Variants in ACOXL observed in about 807,000 individuals in gnomAD.
ACOXL encodes the protein acyl-coenzyme A oxidase-like protein.
ACOXL carries 70 observed loss-of-function variants against 71.9 expected under a neutral mutation model. The observed-to-expected ratio is 0.97, with a 90% confidence interval of 0.80 to 1.19. The LOEUF is 1.19. Ranked by LOEUF, ACOXL falls within the 50% of genes most tolerant of loss-of-function variation. The probability of loss-of-function intolerance (pLI) is 0.00; values close to 1 mark genes in which losing one functional copy is unlikely to be tolerated. For missense variants in ACOXL, 703 were observed against 736.3 expected, an observed-to-expected ratio of 0.95 and a Z score of 0.52; for synonymous variants, 253 against 281.6, an observed-to-expected ratio of 0.90 and a Z score of 1.02.
chr2:111,093,553 A>G, intron 17 of ACOXL: 2 of 1,612,904 alleles, frequency 1.2e-6, no homozygotes, highest in Non-Finnish European at 1.7e-6. Context: ...ATATCCAAGG[A>G]CACAAAACCA....
chr2:110,997,995 G>A (rs1218761475), intron 14 of ACOXL, among the ~76,000 whole-genome samples: 1 of 152,106 alleles, frequency 6.6e-6, no homozygotes, highest in African/African-American at 2.4e-5. Context: ...TGGTTGCAGT[G>A]AGCCAAGATC....
chr2:111,039,877 C>G (rs1200403717), intron 15 of ACOXL, among the ~76,000 whole-genome samples: 1 of 152,156 alleles, frequency 6.6e-6, no homozygotes, highest in Admixed American at 6.5e-5. Flanking sequence ...GTAGGTTAGT[C>G]TGGAAAACAT....
At chr2:110,812,763 T>C (rs920776100) in intron 9 of ACOXL, among the ~76,000 whole-genome samples, 1 of 152,380 alleles carries the variant, frequency 6.6e-6, no homozygotes, top group African/African-American at 2.4e-5. Context: ...ATTTTGAATT[T>C]GCTTCGATTC....
chr2:110,868,256 A>G (rs1694855770), intron 10 of ACOXL, among the ~76,000 whole-genome samples: 1 of 152,204 alleles, frequency 6.6e-6, no homozygotes, highest in South Asian at 2.1e-4. Flanking sequence ...CTTACTTTAC[A>G]AGTTTGATTT....
chr2:110,816,691 G>A (rs1323694150), intron 9 of ACOXL, among the ~76,000 whole-genome samples: 1 of 152,216 alleles, frequency 6.6e-6, no homozygotes, highest in African/African-American at 2.4e-5. Flanking sequence ...ATGGTCTCCT[G>A]TTCTCTAAAG....
chr2:110,940,026 GAAGT>G (rs2149363908), intron 12 of ACOXL, among the ~76,000 whole-genome samples: 1 of 152,308 alleles, frequency 6.6e-6, no homozygotes, highest in South Asian at 2.1e-4. Flanking sequence ...ACCTTAACCT[GAAGT>G]AAAAGGTATG....
intron 11 of ACOXL, 90 bp downstream of exon 11, chr2:110,908,995 T>C (rs1574079310): frequency 2.1e-6 from 2 of 958,364 alleles, no homozygotes; most frequent in East Asian, 2.6e-5. Flanking sequence ...AGGATGTCAT[T>C]TTCTAACTGT....
chr2:110,933,440 T>C, intron 11 of ACOXL, 49 bp from the exon 12 acceptor site: 2 of 1,588,476 alleles, frequency 1.3e-6, no homozygotes, highest in Non-Finnish European at 8.6e-7. Context: ...TTCACACATG[T>C]GCTGACTGCA....
chr2:111,003,548 C>A (rs1574454211), intron 14 of ACOXL, among the ~76,000 whole-genome samples: 1 of 4,940 alleles, frequency 2.0e-4, no homozygotes, highest in Non-Finnish European at 5.7e-4. Flanking sequence ...GAGACTCTGT[C>A]TCAAAAAAAA....
At chr2:111,091,198 G>C (rs1263155558) in intron 16 of ACOXL, among the ~76,000 whole-genome samples, 1 of 152,156 alleles carries the variant, frequency 6.6e-6, no homozygotes, top group Non-Finnish European at 1.5e-5. Context: ...TCTAAGCCTA[G>C]AAGGTGGTAA....
intron 17 of ACOXL, among the ~76,000 whole-genome samples, chr2:111,103,722 TAA>T (rs1011335875): frequency 6.6e-6 from 1 of 152,146 alleles, no homozygotes. Context: ...GGTGCTTATA[TAA>T]AACATTTTTG....
intron 10 of ACOXL, among the ~76,000 whole-genome samples, chr2:110,862,921 CA>C (rs1315247167): frequency 6.6e-6 from 1 of 152,240 alleles, no homozygotes; most frequent in Non-Finnish European, 1.5e-5. Context: ...TAGGGCCCCG[CA>C]GCAGCTACCA....
intron 10 of ACOXL, among the ~76,000 whole-genome samples, chr2:110,883,170 C>T (rs1306854473): frequency 7.3e-6 from 1 of 136,946 alleles, no homozygotes; most frequent in Non-Finnish European, 1.5e-5. Context: ...AGTACAGTGA[C>T]ACCATCTCGG....
At chr2:111,080,745 T>C (rs1354050195) in intron 16 of ACOXL, among the ~76,000 whole-genome samples, 1 of 152,202 alleles carries the variant, frequency 6.6e-6, no homozygotes, top group East Asian at 1.9e-4. Context: ...CCAATATCCC[T>C]GATGAACAAT....
intron 9 of ACOXL, among the ~76,000 whole-genome samples, chr2:110,811,028 T>C (rs1687254953): frequency 6.6e-6 from 1 of 152,214 alleles, no homozygotes; most frequent in Non-Finnish European, 1.5e-5. Flanking sequence ...TGGGGGAAAC[T>C]GCTCCAGTGA....
At chr2:110,886,689 C>T in intron 10 of ACOXL, 1 of 1,503,100 alleles carries the variant, frequency 6.7e-7, no homozygotes, top group South Asian at 1.2e-5. Flanking sequence ...CTCCCCTATC[C>T]TTCTGAATGC....
At position 110,967,735 on chromosome 2, in the gene ACOXL, A is replaced by G. The variant is rs547901984; in HGVS notation, c.1060-19373A>G. 7 of 512,102 alleles carry G rather than the reference A, an allele frequency of 1.4e-5. No individual in the cohort carries two copies. In the Admixed American group the frequency reaches 2.3e-4, roughly 17 times the overall value. 31.7% of individuals were successfully genotyped at this position (512,102 alleles called of 1,614,324 possible). ...TATTTCAATGGTTAACACAACTACTAGACAGCAAATCAGAAAGGATATGAA... is the reference window on the plus strand; with the variant it reads ...TATTTCAATGGTTAACACAACTACTGGACAGCAAATCAGAAAGGATATGAA... On this transcript the variant is annotated intron_variant, in intron 12 of 17. Coordinates refer to ENST00000439055, the MANE Select transcript of ACOXL (RefSeq NM_001142807.4).
rs71383893 is a variant in ACOXL, at chr2:110,955,429, C to CCTCT, written c.1059+21810_1059+21813dup. 4.0e-3 allele frequency among the ~76,000 whole-genome samples: 559 copies of CCTCT among 141,022 alleles called. 3 individuals carry two copies. The highest frequency in any genetic ancestry group is 0.016 in the East Asian group (74 of 4,718). The allele number at this position is 141,022 out of a possible 152,430, so 92.5% of individuals were successfully genotyped here. A position where few individuals can be genotyped will look rare whatever the true frequency, so the allele number is the denominator to read the frequency against. ...CCCCCACCCCCAGCTAGTCCACCTC[C>CCTCT]CTCTCTCTCTCTCTCTCTCTCTCTC... On this transcript the variant is annotated intron_variant, in intron 12 of 17. Coordinates refer to ENST00000439055, the MANE Select transcript of ACOXL (RefSeq NM_001142807.4).
At chr2:110,880,710 G>A (rs1441616275) in intron 10 of ACOXL, among the ~76,000 whole-genome samples, 1 of 152,216 alleles carries the variant, frequency 6.6e-6, no homozygotes, top group Non-Finnish European at 1.5e-5. Flanking sequence ...CACTTTGGGA[G>A]GCTGAGGTGA....
Sources: gnomAD v4.1 joint callset for allele counts (sites outside exome capture counted in the v4.1 genomes callset) on GRCh38, gnomAD v4.1.1 for gene constraint, MANE v1.5 for transcripts, NCBI Gene and HGNC (gene_info 2026-07-23, HGNC 2026-07-21) for gene names.